The following PRKDC variants were observed in gnomAD, a reference collection of about 807,000 sequenced individuals.
PRKDC encodes the protein protein kinase, DNA-activated, catalytic subunit.
PRKDC carries 82 observed loss-of-function variants against 486.9 expected under a neutral mutation model. The observed-to-expected ratio is 0.17, with a 90% CI of 0.14 to 0.20. The LOEUF (loss-of-function observed/expected upper bound fraction) is 0.20, where lower values mean the gene tolerates loss of function less well. Among genes scored for constraint, PRKDC ranks in the 10% least tolerant of loss-of-function variants. The pLI is 1.00. For synonymous variants in PRKDC, 1,895 were observed against 1,837.0 expected, an observed-to-expected ratio of 1.03 and a Z score of -0.81; for missense variants, 4,504 against 5,038.2, an observed-to-expected ratio of 0.89 and a Z score of 3.21.
At chr8:47,912,647 T>G (rs539438611) in intron 24 of PRKDC, 85 bp from the exon 25 acceptor site, 1 of 1,343,240 alleles carries the variant, frequency 7.4e-7, no homozygotes, top group South Asian at 2.0e-5. Flanking sequence ...ATTTAGCCTT[T>G]AAGAAGAAAA....
At chr8:47,952,496 T>C (rs142886576) in intron 7 of PRKDC, among the ~76,000 whole-genome samples, 25 of 152,224 alleles carry the variant, frequency 1.6e-4, no homozygotes, top group African/African-American at 5.1e-4. Context: ...CAGTAGCACA[T>C]TGGGACCCTT....
At chr8:47,783,979 C>G (rs2086745430) in intron 77 of PRKDC, 170 bp from the exon 78 acceptor site, 2 of 670,112 alleles carry the variant, frequency 3.0e-6, no homozygotes, top group East Asian at 5.7e-5. Context: ...TATTTCTCGG[C>G]CGGGCACAGT....
chr8:47,927,343 T>C lies in PRKDC; in HGVS notation c.2270A>G (p.Lys757Arg), dbSNP rs747089655. 5.0e-6 allele frequency: 8 copies of C among 1,611,142 alleles called. No homozygotes were observed. The highest frequency in any genetic ancestry group is 5.9e-6 in the Non-Finnish European group (7 of 1,179,148). ...AYVPALQMAF[K>R]LGLSYTPLAE... Reference sequence around the variant, plus strand: ...CAAGGGGGTATAGCTCAGGCCCAGTTTGAAAGCCATCTGTATGTTAATACA... The same window carrying C: ...CAAGGGGGTATAGCTCAGGCCCAGTCTGAAAGCCATCTGTATGTTAATACA... Residue 757 changes from lysine (K) to arginine (R), a missense_variant, in exon 21 of 86, where the codon AAA becomes AGA. Coordinates refer to ENST00000314191, the MANE Select transcript of PRKDC (RefSeq NM_006904.7).
chr8:47,935,596 G>T (rs571434838), intron 13 of PRKDC, 136 bp downstream of exon 13: 1 of 779,556 alleles, frequency 1.3e-6, no homozygotes, highest in Non-Finnish European at 1.9e-6. Context: ...AAAAGATTTT[G>T]GTCTACCAAA....
chr8:47,902,839 C>G (rs763342694), intron 26 of PRKDC, 44 bp from the exon 27 acceptor site: 1 of 1,443,060 alleles, frequency 6.9e-7, no homozygotes, highest in East Asian at 2.3e-5. Flanking sequence ...ATTTTTATAA[C>G]CACTGACAAC....
At chr8:47,783,278 C>CAAA (rs1182413636) in intron 78 of PRKDC, among the ~76,000 whole-genome samples, 9 of 56,188 alleles carry the variant, frequency 1.6e-4, no homozygotes, top group Non-Finnish European at 2.1e-4. Context: ...ACTCTTGTCT[C>CAAA]AAAAAAAAAA....
intron 29 of PRKDC, among the ~76,000 whole-genome samples, chr8:47,898,248 C>T (rs1410373229): frequency 1.3e-5 from 2 of 152,204 alleles, no homozygotes; most frequent in African/African-American, 4.8e-5. Flanking sequence ...TGTACTATCT[C>T]AACCCAGATC....
At chr8:47,803,050 T>C (rs1056632870) in intron 70 of PRKDC, among the ~76,000 whole-genome samples, 6 of 152,042 alleles carry the variant, frequency 3.9e-5, no homozygotes, top group African/African-American at 1.2e-4. Context: ...GTCGCCCAAA[T>C]TGCTCGGATT....
chr8:47,802,537 C>A (rs1232310857), intron 70 of PRKDC, among the ~76,000 whole-genome samples: 1 of 147,246 alleles, frequency 6.8e-6, no homozygotes, highest in Admixed American at 6.9e-5. Context: ...GGCTGGAGTG[C>A]AGTGGCGCGA....
At position 47,857,183 on chromosome 8, in the gene PRKDC, A is replaced by G. The variant is rs750393436; in HGVS notation, c.6582T>C (p.Leu2194=). The change falls in exon 49 of 86, where the codon CTT becomes CTC. Residue 2194 remains leucine, a synonymous_variant. Coordinates refer to ENST00000314191, the MANE Select transcript of PRKDC (RefSeq NM_006904.7). ...YMVVEIVATI[L]SWTGLATPTG... is the part of the protein sequence containing the mutation. ...TTGGAGTGGCCAAGCCTGTCCATGA[A>G]AGAATAGTGGCCACTATCTCAACCA... 6.2e-7 allele frequency: 1 copy of G among 1,613,920 alleles called. No homozygotes were observed. The highest frequency in any genetic ancestry group is 8.5e-7 in the Non-Finnish European group (1 of 1,179,836).
At chr8:47,909,289 T>C (rs552424645) in intron 25 of PRKDC, among the ~76,000 whole-genome samples, 1 of 152,356 alleles carries the variant, frequency 6.6e-6, no homozygotes, top group Non-Finnish European at 1.5e-5. Context: ...TTAATACTTT[T>C]ATAATTTCTT....
chr8:47,851,376 T>G (rs1231186017), intron 52 of PRKDC, among the ~76,000 whole-genome samples: 1 of 152,232 alleles, frequency 6.6e-6, no homozygotes. Context: ...AAAATCTGTT[T>G]ATTTACAAAA....
chr8:47,790,452 G>C (rs1292959716), intron 74 of PRKDC, among the ~76,000 whole-genome samples: 1 of 152,292 alleles, frequency 6.6e-6, no homozygotes, highest in African/African-American at 2.4e-5. Context: ...TGGATGGGAA[G>C]AATCAATACT....
At chr8:47,900,270 T>TG in intron 28 of PRKDC, 103 bp downstream of exon 28, 8 of 712,612 alleles carry the variant, frequency 1.1e-5, no homozygotes, top group South Asian at 5.1e-5. Context: ...ATAGAACTCT[T>TG]GGGAAAAAAA....
chr8:47,777,219 T>C (rs915611825), intron 84 of PRKDC, among the ~76,000 whole-genome samples: 3 of 152,110 alleles, frequency 2.0e-5, no homozygotes, highest in Non-Finnish European at 4.4e-5. Flanking sequence ...TTAATTTTTT[T>C]TTTTTTGAGG....
chr8:47,782,088 CA>C lies in PRKDC; in HGVS notation c.11489+73del. On this transcript the variant is annotated intron_variant, in intron 80 of 85. Transcript: ENST00000314191. This position sits in a 1 kb window ranked among gnomAD's most constrained non-coding sequence, Gnocchi z 4.9. ...AGTGTGGGCTCTCGAGCGCGCCTGT[CA>C]CGGCCCCGACCTGCCACTGGAGAAG... 1 of 1,404,522 alleles carries C rather than the reference CA, an allele frequency of 7.1e-7. No homozygotes were observed. The allele number at this position is 1,404,522 out of a possible 1,614,324, so 87.0% of individuals were successfully genotyped here. A position where few individuals can be genotyped will look rare whatever the true frequency, so the allele number is the denominator to read the frequency against.
At position 47,800,220 on chromosome 8, in the gene PRKDC, A is replaced by G. The variant is rs1388337931; in HGVS notation, c.10116+573T>C. ...CTTGGAACCAACCCAAATGTCCAAC[A>G]ATGATAGACTGGATTAAGAAAATGT... is the stretch of plus-strand genomic sequence containing the variant. On this transcript the variant is annotated intron_variant, in intron 71 of 85. Coordinates refer to ENST00000314191, the MANE Select transcript of PRKDC (RefSeq NM_006904.7). Among the ~76,000 whole-genome samples the G allele has an allele frequency of 2.0e-5, 3 of 152,166 alleles. No homozygotes were observed. The East Asian group carries it at 5.8e-4, about 29-fold the overall frequency.
intron 27 of PRKDC, 88 bp from the exon 28 acceptor site, chr8:47,900,555 C>T (rs1243796675): frequency 8.8e-6 from 11 of 1,248,204 alleles, no homozygotes; most frequent in Non-Finnish European, 1.1e-5. Flanking sequence ...AAAGAAGGCA[C>T]ACATTAATTA....
intron 23 of PRKDC, among the ~76,000 whole-genome samples, chr8:47,914,687 G>C (rs1222983852): frequency 1.3e-5 from 2 of 151,838 alleles, no homozygotes; most frequent in African/African-American, 2.4e-5. Flanking sequence ...TGTAATCCCA[G>C]CTATTCAGGA....
Sources: allele counts gnomAD v4.1 joint callset (sites outside exome capture counted in the v4.1 genomes callset), GRCh38; gene constraint gnomAD v4.1.1; non-coding constraint Gnocchi (gnomAD v3.1); transcripts MANE v1.5; gene names NCBI Gene and HGNC (gene_info 2026-07-23, HGNC 2026-07-21).